The following CYP4X1 variants were observed in gnomAD, a reference collection of about 807,000 sequenced individuals.
CYP4X1 encodes the protein cytochrome P450 4X1.
A neutral mutation model predicts 57.9 loss-of-function variants in CYP4X1; 44 were observed. That is an observed-to-expected ratio of 0.76 (90% CI 0.60 to 0.98). The LOEUF is 0.98. CYP4X1 is among the 50% of genes least tolerant of loss of function. The pLI is 0.00. For missense variants in CYP4X1, 532 were observed against 623.9 expected (o/e 0.85, Z 1.57); for synonymous variants, 227 against 228.6 (o/e 0.99, Z 0.06).
intron 1 of CYP4X1, among the ~76,000 whole-genome samples, chr1:47,025,920 A>C (rs1235225956): frequency 2.0e-5 from 3 of 152,180 alleles, no homozygotes; most frequent in Non-Finnish European, 4.4e-5. Flanking sequence ...TCTCATGAAT[A>C]CTATGTCGTC....
the CYP4X1 span, chr1:46,961,742 T>G: frequency 7.6e-7 from 1 of 1,311,610 alleles, no homozygotes. Context: ...TATGACTTCT[T>G]CCTCCAGTGG....
At chr1:46,995,744 A>G in the CYP4X1 span, among the ~76,000 whole-genome samples, 1 of 152,224 alleles carries the variant, frequency 6.6e-6, no homozygotes, top group Non-Finnish European at 1.5e-5. Context: ...AATTCATTAT[A>G]AAACTCATAG....
the CYP4X1 span, among the ~76,000 whole-genome samples, chr1:46,973,778 T>C: frequency 6.6e-6 from 1 of 152,128 alleles, no homozygotes; most frequent in African/African-American, 2.4e-5. Flanking sequence ...ACGTCCTCTG[T>C]CATTTCTGAT....
intron 8 of CYP4X1, among the ~76,000 whole-genome samples, chr1:47,041,441 C>G (rs1354498596): frequency 6.6e-6 from 1 of 152,122 alleles, no homozygotes; most frequent in Non-Finnish European, 1.5e-5. Context: ...TCTCCACATC[C>G]TCACCAACAT....
the CYP4X1 span, among the ~76,000 whole-genome samples, chr1:47,009,344 G>T: frequency 6.6e-6 from 1 of 152,020 alleles, no homozygotes; most frequent in Middle Eastern, 3.4e-3. Flanking sequence ...CAGAAATAAA[G>T]ATGTTCTTTG....
chr1:47,022,283 CTTTTTTT>C (rs11352280), upstream of CYP4X1, among the ~76,000 whole-genome samples: 6 of 77,344 alleles, frequency 7.8e-5, no homozygotes, highest in Middle Eastern at 9.4e-3. Flanking sequence ...TGGGGCCTGT[CTTTTTTT>C]TTTTTTTTTT....
At chr1:47,055,259 G>A (rs1367068044), downstream of CYP4X1, among the ~76,000 whole-genome samples, 1 of 152,216 alleles carries the variant, frequency 6.6e-6, no homozygotes, top group Non-Finnish European at 1.5e-5. Context: ...TTTCATCCCA[G>A]TGATGAAGCC....
At chr1:47,036,353 C>T (rs1212579657) in intron 6 of CYP4X1, among the ~76,000 whole-genome samples, 182 bp downstream of exon 6, 3 of 98,760 alleles carry the variant, frequency 3.0e-5, no homozygotes, top group African/African-American at 1.1e-4. Flanking sequence ...TCAACCATAG[C>T]AGTATTATCA....
chr1:46,993,592 C>G, the CYP4X1 span, among the ~76,000 whole-genome samples: 1 of 152,172 alleles, frequency 6.6e-6, no homozygotes. Context: ...TTTCCAGCAC[C>G]TGTTGTTTCC....
At chr1:47,023,436 C>G (rs1350445630), upstream of CYP4X1, 5 of 790,730 alleles carry the variant, frequency 6.3e-6, no homozygotes, top group Non-Finnish European at 7.7e-6. Context: ...AAAAGAAAAT[C>G]TCTTGCATAG....
At chr1:46,967,589 G>C in the CYP4X1 span, 1 of 294,678 alleles carries the variant, frequency 3.4e-6, no homozygotes, top group East Asian at 6.0e-5. Flanking sequence ...GAAGAAGGCA[G>C]GTGGGCCGAT....
chr1:47,035,899 G>A lies in CYP4X1; in HGVS notation c.586G>A (p.Ala196Thr), dbSNP rs753837465. 74 of 1,613,560 alleles carry A rather than the reference G, an allele frequency of 4.6e-5. No individual in the cohort carries two copies. The highest frequency in any genetic ancestry group is 1.6e-4 in the Middle Eastern group (1 of 6,074). Residue 196 changes from alanine (A) to threonine (T), a missense_variant, in exon 5 of 12, where the codon GCT (alanine) becomes ACT (threonine). Transcript: ENST00000371901. ...GTCTCTGGATATAATCATGAAATGC[G>A]CTTTCAGCAAGGAGACCAACTGCCA... ...SMSLDIIMKC[A>T]FSKETNCQTN...
At chr1:46,977,652 G>A in the CYP4X1 span, among the ~76,000 whole-genome samples, 1 of 151,916 alleles carries the variant, frequency 6.6e-6, no homozygotes, top group Admixed American at 6.5e-5. Flanking sequence ...CACGACAAGA[G>A]CACCCCCAAG....
At chr1:46,961,506 T>C in the CYP4X1 span, 1 of 1,168,328 alleles carries the variant, frequency 8.6e-7, no homozygotes, top group South Asian at 1.7e-5. Flanking sequence ...AGCCCAACTA[T>C]GTCAAAGCTG....
the CYP4X1 span, among the ~76,000 whole-genome samples, chr1:46,986,224 T>C: frequency 6.6e-6 from 1 of 152,098 alleles, no homozygotes; most frequent in Admixed American, 6.6e-5. Flanking sequence ...ATGAAGCATA[T>C]ACAAGTATCA....
At chr1:47,002,590 T>C in the CYP4X1 span, among the ~76,000 whole-genome samples, 1 of 152,240 alleles carries the variant, frequency 6.6e-6, no homozygotes, top group African/African-American at 2.4e-5. Flanking sequence ...GTTTACATCC[T>C]TTTTTGCATT....
chr1:47,054,031 C>T (rs920681632), downstream of CYP4X1, among the ~76,000 whole-genome samples: 540 of 151,728 alleles, frequency 3.6e-3, 6 homozygotes, highest in African/African-American at 0.012. Flanking sequence ...AGGTTTTCTT[C>T]TAGGGTTTTT....
At chr1:47,028,980 C>T (rs1230662617) in intron 1 of CYP4X1, among the ~76,000 whole-genome samples, 1 of 152,208 alleles carries the variant, frequency 6.6e-6, no homozygotes, top group Admixed American at 6.5e-5. Context: ...AGACTCTCAA[C>T]CTTTCAGTGG....
Position 47,039,468 on chromosome 1 carries a change from G to A in CYP4X1, c.1009G>A (p.Glu337Lys). ...WILYCLALNP[E>K]HQERCREEVR... ...CCTTTACTGCCTGGCTCTGAACCCT[G>A]AGCATCAAGAGAGATGCCGGGAGGA... Residue 337 changes from glutamate to lysine, a missense_variant, in exon 8 of 12, where the codon GAG becomes AAG. By Grantham distance (56) the Glu-to-Lys change is moderately conservative. Coordinates refer to ENST00000371901, the MANE Select transcript of CYP4X1 (RefSeq NM_178033.2). The A allele has an allele frequency of 6.2e-7, 1 of 1,613,426 alleles. No individual in the cohort carries two copies. Among genetic ancestry groups the A allele is most frequent in the Non-Finnish European group, 8.5e-7 (1 of 1,179,704 alleles).
Sources: allele counts gnomAD v4.1 joint callset (sites outside exome capture counted in the v4.1 genomes callset), GRCh38; gene constraint gnomAD v4.1.1; transcripts MANE v1.5; gene names NCBI Gene and HGNC (gene_info 2026-07-23, HGNC 2026-07-21).